The following CCDC30 variants were observed in gnomAD, a reference collection of about 807,000 sequenced individuals.
CCDC30 encodes coiled-coil domain-containing protein 30.
In CCDC30, 70 loss-of-function variants were observed where a neutral mutation model predicts 100.2. The ratio of observed to expected loss-of-function variants is 0.70; its 90% confidence interval spans 0.58 to 0.85. CCDC30 has a LOEUF of 0.85. CCDC30 is among the 40% of genes least tolerant of loss of function. CCDC30 has a pLI of 0.00. For missense variants in CCDC30, 652 were observed against 771.2 expected (o/e 0.85, Z 1.83); for synonymous variants, 233 against 269.5 (o/e 0.86, Z 1.33).
At chr1:42,625,419 T>C (rs1309128230) in intron 11 of CCDC30, among the ~76,000 whole-genome samples, 1 of 152,172 alleles carries the variant, frequency 6.6e-6, no homozygotes, top group African/African-American at 2.4e-5. Context: ...TAATTTGGGA[T>C]TTCATTTGCT....
Position 42,542,539 on chromosome 1 carries a change from C to CT in CCDC30, c.457-23735dup, listed in dbSNP as rs58751072. ...CACACCTGGCTAATTTTAAATTTTTCTTTTTTTTTTTTTTTTTTTTTTGAG... is the reference window on the plus strand; with the variant it reads ...CACACCTGGCTAATTTTAAATTTTTCTTTTTTTTTTTTTTTTTTTTTTTGAG... On this transcript the variant is annotated intron_variant, in intron 6 of 16. Coordinates refer to ENST00000668663, the Ensembl canonical transcript of CCDC30. Among the ~76,000 whole-genome samples, 619 of 75,526 alleles carry CT rather than the reference C, an allele frequency of 8.2e-3. 37 individuals carry two copies. The highest frequency in any genetic ancestry group is 0.016 in the African/African-American group (354 of 21,546). 49.5% of individuals were successfully genotyped at this position (75,526 alleles called of 152,430 possible). A position where few individuals can be genotyped will look rare whatever the true frequency, so the allele number is the denominator to read the frequency against.
At chr1:42,463,114 T>G (rs1420848108), upstream of CCDC30, among the ~76,000 whole-genome samples, 1 of 152,232 alleles carries the variant, frequency 6.6e-6, no homozygotes, top group African/African-American at 2.4e-5. Context: ...GCCAATGGAA[T>G]GAGTTGTACT....
chr1:42,534,115 G>C (rs772338344), intron 6 of CCDC30, among the ~76,000 whole-genome samples: 6 of 151,872 alleles, frequency 4.0e-5, no homozygotes, highest in Non-Finnish European at 5.9e-5. Flanking sequence ...AATGTGCCAC[G>C]TATTATGGTA....
rs146489903 is a variant in CCDC30 at position 42,623,616 on chromosome 1, A to G, written c.1277+12526A>G. Among the ~76,000 whole-genome samples, 141 of 152,332 alleles carry G rather than the reference A, an allele frequency of 9.3e-4. No individual in the cohort carries two copies. The South Asian group carries it at 0.013, about 14-fold the overall frequency. ...ATGTGTCTATTTTTATGCCAGTACT[A>G]TACCATTTTGGTTATCATAGCTCTG... On this transcript the variant is annotated intron_variant, in intron 11 of 16. Transcript: ENST00000668663.
chr1:42,613,414 C>T (rs1646663436), intron 11 of CCDC30, among the ~76,000 whole-genome samples: 1 of 152,084 alleles, frequency 6.6e-6, no homozygotes, highest in South Asian at 2.1e-4. Context: ...ACTGCCACGC[C>T]CGGCTTATTT....
chr1:42,643,483 T>C (rs1482674679), intron 13 of CCDC30, among the ~76,000 whole-genome samples: 1 of 152,172 alleles, frequency 6.6e-6, no homozygotes, highest in Non-Finnish European at 1.5e-5. Context: ...CTTTTAGATG[T>C]CCCATATAAA....
At chr1:42,550,635 T>C (rs1645232408) in intron 6 of CCDC30, among the ~76,000 whole-genome samples, 2 of 152,250 alleles carry the variant, frequency 1.3e-5, no homozygotes, top group South Asian at 2.1e-4. Context: ...CTAACTGCCA[T>C]GTCTAGGCAA....
chr1:42,576,583 A>G (rs1645842167), intron 7 of CCDC30, among the ~76,000 whole-genome samples: 1 of 152,258 alleles, frequency 6.6e-6, no homozygotes, highest in Non-Finnish European at 1.5e-5. Flanking sequence ...GTTGGGTAGC[A>G]TTAGAAGAGT....
At chr1:42,470,769 G>A (rs1335915875) in intron 1 of CCDC30, among the ~76,000 whole-genome samples, 1 of 152,172 alleles carries the variant, frequency 6.6e-6, no homozygotes, top group Non-Finnish European at 1.5e-5. Flanking sequence ...TATAGAGACA[G>A]AAAGTAGAAT....
intron 6 of CCDC30, among the ~76,000 whole-genome samples, chr1:42,562,180 G>C (rs904936283): frequency 3.3e-5 from 5 of 152,114 alleles, no homozygotes; most frequent in Non-Finnish European, 7.4e-5. Context: ...AAAGCTGGAG[G>C]CATCACACTA....
intron 1 of CCDC30, among the ~76,000 whole-genome samples, chr1:42,476,964 C>T (rs1643890401): frequency 1.3e-5 from 2 of 149,670 alleles, no homozygotes; most frequent in African/African-American, 2.4e-5. Context: ...ACTGTACCCT[C>T]ATTTTTTCCT....
exon 9 of CCDC30, chr1:42,581,500 A>C: frequency 6.2e-7 from 1 of 1,613,030 alleles, no homozygotes; most frequent in Non-Finnish European, 8.5e-7. Context: ...AATATCAAGA[A>C]GAACAACAGA....
Position 42,600,808 on chromosome 1 carries a change from GCTCT to G in CCDC30, c.1165-10152_1165-10149del, listed in dbSNP as rs150834412. On this transcript the variant is annotated intron_variant, in intron 10 of 16. Transcript: ENST00000668663. ...GAAAGTGTATAACATTTCCCCCTGTGCTCTCTCTCTCTCTCTCTCTCACTCTTGC... is the reference window on the plus strand; with the variant it reads ...GAAAGTGTATAACATTTCCCCCTGTGCTCTCTCTCTCTCTCTCACTCTTGC... 9.2e-3 allele frequency among the ~76,000 whole-genome samples: 1,350 copies of G among 146,842 alleles called. 10 individuals are homozygous for G. Among genetic ancestry groups the G allele is most frequent in the Middle Eastern group, 0.031 (9 of 292 alleles).
intron 6 of CCDC30, among the ~76,000 whole-genome samples, chr1:42,552,015 T>G (rs1169382564): frequency 1.3e-5 from 2 of 152,038 alleles, no homozygotes; most frequent in East Asian, 3.9e-4. Context: ...ATCCTCCCAC[T>G]TTGGCCTCCC....
chr1:42,476,471 A>G (rs946999028), intron 1 of CCDC30, among the ~76,000 whole-genome samples: 8 of 152,122 alleles, frequency 5.3e-5, no homozygotes, highest in Admixed American at 2.0e-4. Context: ...TGGGCGGATC[A>G]CCTGAGGTGG....
chr1:42,520,962 A>G (rs1644633280), intron 6 of CCDC30, among the ~76,000 whole-genome samples: 2 of 138,838 alleles, frequency 1.4e-5, no homozygotes, highest in South Asian at 4.8e-4. Context: ...CCTCATCTTT[A>G]AGTATTTTCT....
At chr1:42,641,962 A>G (rs1647442922) in intron 12 of CCDC30, among the ~76,000 whole-genome samples, 1 of 152,200 alleles carries the variant, frequency 6.6e-6, no homozygotes, top group Admixed American at 6.5e-5. Context: ...ATGGTGGCTC[A>G]CGCCTGTAAT....
chr1:42,482,695 A>G, exon 3 of CCDC30: 1 of 1,234,108 alleles, frequency 8.1e-7, no homozygotes, highest in African/African-American at 1.5e-5. Flanking sequence ...AAGACAAAAC[A>G]TCACAAAACT....
At chr1:42,636,743 G>A (rs933711276) in intron 11 of CCDC30, among the ~76,000 whole-genome samples, 11 of 152,042 alleles carry the variant, frequency 7.2e-5, no homozygotes, top group African/African-American at 2.2e-4. Context: ...TGAGGCAGGC[G>A]GATCACAAGG....
Sources: allele counts gnomAD v4.1 joint callset (sites outside exome capture counted in the v4.1 genomes callset), GRCh38; gene constraint gnomAD v4.1.1; transcripts MANE v1.5; gene names NCBI Gene and HGNC (gene_info 2026-07-23, HGNC 2026-07-21).